Variants in NAE1 observed in about 807,000 individuals in gnomAD.
NAE1 encodes the protein NEDD8-activating enzyme E1 regulatory subunit.
Under a neutral mutation model 88.0 loss-of-function variants are expected in NAE1, and 59 were observed. That is an observed-to-expected ratio of 0.67 (90% CI 0.54 to 0.83). The LOEUF is 0.83. Ranked by LOEUF, NAE1 falls within the 40% of genes least tolerant of loss-of-function variation. The pLI is 0.00. For synonymous variants in NAE1, 186 were observed against 208.9 expected, an observed-to-expected ratio of 0.89 and a Z score of 0.95; for missense variants, 554 against 632.8, an observed-to-expected ratio of 0.88 and a Z score of 1.34.
rs756321738 is a variant in NAE1, at chr16:66,827,962, A to G, written c.54-1182T>C. 5.6e-6 allele frequency: 9 copies of G among 1,605,024 alleles called. No homozygotes were observed. In the African/African-American group the frequency reaches 1.2e-4, roughly 21 times the overall value. On this transcript the variant is annotated intron_variant, in intron 1 of 19. Transcript: ENST00000290810. Reference sequence around the variant, plus strand: ...CAGCCTCTAGAGTTGCTGGGACTACAGGCACAAGCCACTGTACCTGGCTTC... The same window carrying G: ...CAGCCTCTAGAGTTGCTGGGACTACGGGCACAAGCCACTGTACCTGGCTTC...
chr16:66,817,588 A>G lies in NAE1; in HGVS notation c.622-101T>C, dbSNP rs1960097133. The G allele has an allele frequency of 9.8e-6, 8 of 819,694 alleles. No individual in the cohort carries two copies. The East Asian group carries it at 2.2e-4, about 22-fold the overall frequency. 50.8% of individuals were successfully genotyped at this position (819,694 alleles called of 1,614,324 possible). ...TCAACAATATTTATGATCTCCTAAT[A>G]TATGCAGAGTAGTGAATAGACGAAA... On this transcript the variant is annotated intron_variant, in intron 8 of 19. Transcript: ENST00000290810.
chr16:66,813,747 A>C, intron 12 of NAE1, 40 bp downstream of exon 12: 1 of 1,612,056 alleles, frequency 6.2e-7, no homozygotes, highest in Non-Finnish European at 8.5e-7. Flanking sequence ...ACTTTGACCC[A>C]AAGTTTTAGC....
intron 1 of NAE1, among the ~76,000 whole-genome samples, chr16:66,829,505 C>T (rs1303537661): frequency 2.0e-5 from 3 of 152,154 alleles, no homozygotes; most frequent in Admixed American, 2.0e-4. Context: ...CTGTAAAGCA[C>T]AGGAAATGGT....
rs1428784000 is a variant in NAE1 at position 66,813,565 on chromosome 16, C to T, written c.1033G>A (p.Val345Ile). ...CATAGTTTGAAAACAGTGACATACA[C>T]GTTTTGCAGTTTTATATATTTGCCT... ...DSGKYIKLQNVYREKAKKDAA... is the reference protein window; with the variant it reads ...DSGKYIKLQNIYREKAKKDAA... The change falls in exon 13 of 20, where the codon GTT becomes ATT. Residue 345 changes from valine to isoleucine, a missense_variant and splice_region_variant. Transcript: ENST00000290810. 3.1e-6 allele frequency: 5 copies of T among 1,608,716 alleles called. No homozygotes were observed. Among genetic ancestry groups the T allele is most frequent in the Admixed American group, 1.7e-5 (1 of 59,214 alleles).
At chr16:66,819,163 T>C (rs1960160057) in intron 7 of NAE1, among the ~76,000 whole-genome samples, 1 of 152,204 alleles carries the variant, frequency 6.6e-6, no homozygotes, top group Admixed American at 6.5e-5. Context: ...AAGATTCCTT[T>C]AGAACACAAT....
chr16:66,828,207 T>C (rs568801434), intron 1 of NAE1: 2 of 702,662 alleles, frequency 2.8e-6, no homozygotes, highest in East Asian at 5.5e-5. Context: ...CTGGTGCATC[T>C]TGGCTGGGCG....
chr16:66,804,509 T>C (rs969000683), intron 19 of NAE1, among the ~76,000 whole-genome samples: 34 of 152,328 alleles, frequency 2.2e-4, no homozygotes, highest in African/African-American at 8.2e-4. Flanking sequence ...TATGATGCAT[T>C]TACATTTTGA....
chr16:66,814,610 T>TACAA (rs1555511786), intron 11 of NAE1, among the ~76,000 whole-genome samples: 1 of 138,954 alleles, frequency 7.2e-6, no homozygotes, highest in East Asian at 2.1e-4. Flanking sequence ...AAAAAAAAAA[T>TACAA]ACACACACAC....
At chr16:66,806,286 G>A (rs1468788607) in intron 17 of NAE1, 1 of 302,828 alleles carries the variant, frequency 3.3e-6, no homozygotes, top group African/African-American at 2.2e-5. Context: ...CTGGCACATA[G>A]TGCTTAATAA....
intron 6 of NAE1, among the ~76,000 whole-genome samples, chr16:66,822,341 C>A (rs1960296431): frequency 6.6e-6 from 1 of 152,134 alleles, no homozygotes; most frequent in South Asian, 2.1e-4. Context: ...GTGGCTGAGG[C>A]AGGCAGATGA....
intron 19 of NAE1, 87 bp from the exon 20 acceptor site, chr16:66,803,205 T>A (rs1482826263): frequency 1.1e-6 from 1 of 935,444 alleles, no homozygotes; most frequent in Non-Finnish European, 1.6e-6. Context: ...CTTTTCCTTT[T>A]CAAAAGCAAA....
intron 14 of NAE1, 75 bp downstream of exon 14, chr16:66,810,622 C>T: frequency 7.4e-7 from 1 of 1,354,766 alleles, no homozygotes; most frequent in Non-Finnish European, 1.0e-6. Context: ...AGTGCCACAC[C>T]CTCTGTCTCT....
rs138420218 is a variant in NAE1 at position 66,803,836 on chromosome 16, G to A, written c.1496-718C>T. On this transcript the variant is annotated intron_variant, in intron 19 of 19. Coordinates refer to ENST00000290810, the MANE Select transcript of NAE1 (RefSeq NM_003905.4). ...TTGAACTCCTGACCTCAAGTGATCC[G>A]CCCACCTCAGCCTCCCAAAGCGGAG... Among the ~76,000 whole-genome samples the A allele has an allele frequency of 7.2e-3, 1,093 of 151,898 alleles. 7 individuals are homozygous for A. The highest frequency in any genetic ancestry group is 0.01 in the Non-Finnish European group (688 of 67,920).
chr16:66,827,903 C>T, intron 1 of NAE1: 1 of 1,315,732 alleles, frequency 7.6e-7, no homozygotes, highest in Non-Finnish European at 1.1e-6. Flanking sequence ...CCAGACTGGT[C>T]TTGAACTCCT....
intron 11 of NAE1, among the ~76,000 whole-genome samples, chr16:66,816,294 T>C (rs981508574): frequency 3.9e-5 from 6 of 151,992 alleles, no homozygotes; most frequent in Non-Finnish European, 7.4e-5. Context: ...GCCTCCCGAA[T>C]AGCTGGGATT....
At chr16:66,821,019 A>C (rs1567494517) in intron 7 of NAE1, among the ~76,000 whole-genome samples, 1 of 152,192 alleles carries the variant, frequency 6.6e-6, no homozygotes, top group Admixed American at 6.5e-5. Flanking sequence ...CAGTGAGCCA[A>C]GATTGTGCCA....
intron 9 of NAE1, 98 bp from the exon 10 acceptor site, chr16:66,817,126 C>T: frequency 7.1e-7 from 1 of 1,407,144 alleles, no homozygotes; most frequent in Non-Finnish European, 9.4e-7. Flanking sequence ...AAGATTTCAT[C>T]AACAAATATA....
chr16:66,830,878 G>A lies in NAE1; in HGVS notation c.22C>T (p.Leu8Phe), dbSNP rs1195642835. MAQLGKL[L>F]KEQKYDRQLR... Reference sequence around the variant, plus strand: ...TGCCGGTCGTACTTCTGCTCCTTGAGCAGCTTTCCCAGCTGCGCCATGGCC... The same window carrying A: ...TGCCGGTCGTACTTCTGCTCCTTGAACAGCTTTCCCAGCTGCGCCATGGCC... The change falls in exon 1 of 20, where the codon CTC becomes TTC. Residue 8 changes from leucine (L) to phenylalanine (F), a missense_variant. Coordinates refer to ENST00000290810, the MANE Select transcript of NAE1 (RefSeq NM_003905.4). The A allele has an allele frequency of 2.0e-6, 3 of 1,535,620 alleles. No homozygotes were observed. The highest frequency in any genetic ancestry group is 2.6e-6 in the Non-Finnish European group (3 of 1,150,556).
rs898260693 is a variant in NAE1, at chr16:66,810,050, A to C, written c.1150+324T>G. 2.5e-3 allele frequency among the ~76,000 whole-genome samples: 373 copies of C among 152,244 alleles called. 2 individuals carry two copies. The highest frequency in any genetic ancestry group is 8.7e-3 in the African/African-American group (361 of 41,566). ...CATGTGACTCAAGACTTCACACCCA[A>C]AGTCTTCAGACAAAAAAACTTCCTA... On this transcript the variant is annotated intron_variant, in intron 15 of 19. Transcript: ENST00000290810.
Sources: gnomAD v4.1 joint callset for allele counts (sites outside exome capture counted in the v4.1 genomes callset) on GRCh38, gnomAD v4.1.1 for gene constraint, MANE v1.5 for transcripts, NCBI Gene and HGNC (gene_info 2026-07-23, HGNC 2026-07-21) for gene names.